ADAMTSL3: variants seen among roughly 807,000 people sequenced by gnomAD.
The protein encoded by ADAMTSL3 is ADAMTS like 3.
In ADAMTSL3, 128 loss-of-function variants were observed where a neutral mutation model predicts 201.7. That is an observed-to-expected ratio of 0.63 (90% confidence interval 0.55 to 0.73). The LOEUF (loss-of-function observed/expected upper bound fraction) is 0.73, where lower values mean the gene tolerates loss of function less well. Among genes scored for constraint, ADAMTSL3 ranks in the 30% least tolerant of loss-of-function variants. The probability of loss-of-function intolerance (pLI) is 0.00; values close to 1 mark genes in which losing one functional copy is unlikely to be tolerated. For missense variants in ADAMTSL3, 1,990 were observed against 2,119.6 expected (o/e 0.94, Z 1.20); for synonymous variants, 738 against 748.4 (o/e 0.99, Z 0.23).
At chr15:83,979,256 A>G (rs1235387084) in intron 20 of ADAMTSL3, among the ~76,000 whole-genome samples, 1 of 152,226 alleles carries the variant, frequency 6.6e-6, no homozygotes, top group Non-Finnish European at 1.5e-5. Context: ...TATTAATTCA[A>G]AAGTTTGACT....
At chr15:83,729,181 T>G (rs2141598823) in intron 3 of ADAMTSL3, among the ~76,000 whole-genome samples, 1 of 152,256 alleles carries the variant, frequency 6.6e-6, no homozygotes, top group African/African-American at 2.4e-5. Context: ...TAGGATCCTT[T>G]CTTTATTCTT....
chr15:83,763,434 G>A (rs1278358878), intron 3 of ADAMTSL3, among the ~76,000 whole-genome samples: 1 of 150,734 alleles, frequency 6.6e-6, no homozygotes, highest in Non-Finnish European at 1.5e-5. Flanking sequence ...TTGAGACAGG[G>A]TCTCACTCTA....
intron 15 of ADAMTSL3, among the ~76,000 whole-genome samples, chr15:83,907,403 G>GTTT (rs1364254651): frequency 6.6e-6 from 1 of 152,042 alleles, no homozygotes; most frequent in Non-Finnish European, 1.5e-5. Context: ...TGTTGTTGTT[G>GTTT]TTGATGATTT....
At chr15:83,927,485 G>GT (rs1367848392) in intron 17 of ADAMTSL3, among the ~76,000 whole-genome samples, 3 of 152,166 alleles carry the variant, frequency 2.0e-5, no homozygotes, top group Non-Finnish European at 2.9e-5. Context: ...CACCTGCACT[G>GT]TATCAGGTGT....
intron 21 of ADAMTSL3, among the ~76,000 whole-genome samples, chr15:83,985,567 G>A (rs1016668277): frequency 6.6e-5 from 10 of 152,086 alleles, no homozygotes; most frequent in East Asian, 1.9e-4. Context: ...TATGAAAAAC[G>A]TATGGACCCA....
At chr15:83,942,827 T>C in intron 18 of ADAMTSL3, 39 bp downstream of exon 18, 1 of 1,608,308 alleles carries the variant, frequency 6.2e-7, no homozygotes, top group Non-Finnish European at 8.5e-7. Flanking sequence ...TCTGTGATTA[T>C]GACTGTGAGA....
intron 3 of ADAMTSL3, among the ~76,000 whole-genome samples, chr15:83,709,858 C>T (rs1391490071): frequency 3.3e-5 from 5 of 152,042 alleles, no homozygotes; most frequent in African/African-American, 1.2e-4. Context: ...AATGTGCTTC[C>T]TCCTCACTGG....
At chr15:83,703,362 G>A (rs2061801798) in intron 2 of ADAMTSL3, among the ~76,000 whole-genome samples, 1 of 152,146 alleles carries the variant, frequency 6.6e-6, no homozygotes, top group African/African-American at 2.4e-5. Context: ...GTTTTGAAAT[G>A]TGAGGACATG....
intron 2 of ADAMTSL3, among the ~76,000 whole-genome samples, chr15:83,692,992 G>A (rs1052670458): frequency 2.0e-5 from 3 of 152,132 alleles, no homozygotes; most frequent in Admixed American, 6.5e-5. Context: ...ATGTGTCCCC[G>A]ACGTGTTTCT....
At chr15:83,861,469 A>C (rs2064859136) in intron 8 of ADAMTSL3, 1 of 175,392 alleles carries the variant, frequency 5.7e-6, no homozygotes, top group East Asian at 1.8e-4. Flanking sequence ...GTTCACCAAT[A>C]TCCTCTGTTC....
At chr15:84,021,356 C>A in intron 25 of ADAMTSL3, 54 bp from the exon 26 acceptor site, 1 of 1,600,568 alleles carries the variant, frequency 6.2e-7, no homozygotes, top group South Asian at 1.1e-5. Context: ...TCTTCTCCAG[C>A]TCGTCGTCAT....
intron 5 of ADAMTSL3, among the ~76,000 whole-genome samples, chr15:83,808,419 C>G (rs1259848610): frequency 1.3e-5 from 2 of 152,104 alleles, no homozygotes; most frequent in African/African-American, 4.8e-5. Context: ...AAATACAAAT[C>G]AAAACCACTA....
At chr15:83,857,286 T>C (rs2064757073) in intron 7 of ADAMTSL3, among the ~76,000 whole-genome samples, 1 of 152,194 alleles carries the variant, frequency 6.6e-6, no homozygotes. Flanking sequence ...ATTCTGTTCA[T>C]AGTGTCCTTT....
Position 83,890,244 on chromosome 15 carries a change from C to G in ADAMTSL3, c.1208C>G (p.Ser403Ter), listed in dbSNP as rs1295739623. The part of the protein sequence containing the change: ...LKECSMDPCP[S>*]SDGFKEIMPY... ...GAATGCAGCATGGATCCCTGCCCAT[C>G]AAGGTTTGTGTCATTGTCCACACCC... Residue 403 changes from serine (S) to a stop codon, truncating the protein, a stop_gained, in exon 11 of 30, where the codon TCA becomes TGA. Transcript: ENST00000286744. LOFTEE classifies it high-confidence loss of function. 2 of 1,613,358 alleles carry G rather than the reference C, an allele frequency of 1.2e-6. No individual in the cohort carries two copies. Among genetic ancestry groups the G allele is most frequent in the African/African-American group, 2.7e-5 (2 of 74,926 alleles).
At chr15:84,035,213 A>G (rs1401653586) in intron 28 of ADAMTSL3, among the ~76,000 whole-genome samples, 1 of 152,172 alleles carries the variant, frequency 6.6e-6, no homozygotes, top group Non-Finnish European at 1.5e-5. Flanking sequence ...TCAAAGCAAA[A>G]GGGGCTGTTT....
At chr15:83,746,310 G>A (rs775305433) in intron 3 of ADAMTSL3, among the ~76,000 whole-genome samples, 6 of 149,422 alleles carry the variant, frequency 4.0e-5, no homozygotes, top group East Asian at 2.1e-4. Context: ...TCAATGACAC[G>A]TAACTGGTTC....
intron 28 of ADAMTSL3, among the ~76,000 whole-genome samples, chr15:84,033,196 A>C (rs2068440246): frequency 6.6e-6 from 1 of 151,982 alleles, no homozygotes; most frequent in South Asian, 2.1e-4. Flanking sequence ...CCCTTCATCC[A>C]TCCATGCTCC....
At chr15:83,880,479 G>A (rs1253920364) in intron 9 of ADAMTSL3, among the ~76,000 whole-genome samples, 1 of 152,184 alleles carries the variant, frequency 6.6e-6, no homozygotes, top group Non-Finnish European at 1.5e-5. Context: ...AGTTGCAACA[G>A]AAACCATGTA....
In ADAMTSL3 at chr15:83,890,135, G is replaced by T. The variant is rs775968227; in HGVS notation, c.1099G>T (p.Val367Leu). The change falls in exon 11 of 30, where the codon GTG (valine) becomes TTG (leucine). Residue 367 changes from valine (V) to leucine (L), a missense_variant. Val to Leu is a conservative substitution (Grantham distance 32). Transcript: ENST00000286744. Reference protein sequence around the residue: ...GGYQLNSAECVDIRLKRVVPD... With the variant: ...GGYQLNSAECLDIRLKRVVPD... ...TTATCAGCTCAATTCTGCTGAATGT[G>T]TGGATATCCGCTTGAAGAGGGTAGT... 2 of 1,613,604 alleles carry T rather than the reference G, an allele frequency of 1.2e-6. No homozygotes were observed. The highest frequency in any genetic ancestry group is 1.7e-6 in the Non-Finnish European group (2 of 1,179,754).
Sources: gnomAD v4.1 joint callset for allele counts (sites outside exome capture counted in the v4.1 genomes callset) on GRCh38, gnomAD v4.1.1 for gene constraint, MANE v1.5 for transcripts, NCBI Gene and HGNC (gene_info 2026-07-23, HGNC 2026-07-21) for gene names.